The following NRXN1 variants were observed in gnomAD, a reference collection of about 807,000 sequenced individuals.
NRXN1 encodes the protein neurexin-1.
In NRXN1, 39 loss-of-function variants were observed where a neutral mutation model predicts 150.9. That is an observed-to-expected ratio of 0.26 (90% CI 0.20 to 0.34). The LOEUF is 0.34. Among genes scored for constraint, NRXN1 ranks in the 10% least tolerant of loss-of-function variants. NRXN1 has a pLI of 1.00. For synonymous variants in NRXN1, 924 were observed against 757.0 expected (o/e 1.22, Z -3.62); for missense variants, 1,815 against 1,949.9 (o/e 0.93, Z 1.30).
intron 2 of NRXN1, among the ~76,000 whole-genome samples, chr2:50,935,958 C>T (rs982629254): frequency 6.6e-6 from 1 of 152,082 alleles, no homozygotes; most frequent in African/African-American, 2.4e-5. Flanking sequence ...GATTAAATAT[C>T]TTTAATGATT....
chr2:50,610,261 T>A (rs1168874685), intron 8 of NRXN1, among the ~76,000 whole-genome samples: 1 of 152,050 alleles, frequency 6.6e-6, no homozygotes, highest in East Asian at 1.9e-4. Context: ...TATATGAAGG[T>A]GTTTTTCTTT....
chr2:50,977,042 C>G (rs1230204978), intron 2 of NRXN1, among the ~76,000 whole-genome samples: 1 of 151,914 alleles, frequency 6.6e-6, no homozygotes, highest in Non-Finnish European at 1.5e-5. Context: ...ATTAACCAAA[C>G]AGCATAACAG....
chr2:50,219,042 G>C (rs1178722313), intron 18 of NRXN1, among the ~76,000 whole-genome samples: 1 of 151,840 alleles, frequency 6.6e-6, no homozygotes, highest in Non-Finnish European at 1.5e-5. Flanking sequence ...AGTGGCTATG[G>C]GTTTTATTCC....
intron 17 of NRXN1, among the ~76,000 whole-genome samples, chr2:50,286,308 C>T (rs536978075): frequency 1.1e-4 from 17 of 152,062 alleles, no homozygotes; most frequent in Non-Finnish European, 2.4e-4. Flanking sequence ...ACTCCTACCC[C>T]CTAGTAATCA....
At chr2:51,002,825 G>A (rs1700240983) in intron 2 of NRXN1, among the ~76,000 whole-genome samples, 1 of 151,876 alleles carries the variant, frequency 6.6e-6, no homozygotes, top group Non-Finnish European at 1.5e-5. Context: ...TTTTCAAACT[G>A]TTTTCTTTCT....
chr2:50,468,513 T>C (rs1280775987), intron 16 of NRXN1, among the ~76,000 whole-genome samples: 1 of 151,628 alleles, frequency 6.6e-6, no homozygotes, highest in African/African-American at 2.4e-5. Context: ...AGTTATGTAA[T>C]ATTATCTTTA....
chr2:50,349,735 C>G (rs2078278757), intron 17 of NRXN1, among the ~76,000 whole-genome samples: 1 of 152,206 alleles, frequency 6.6e-6, no homozygotes, highest in Non-Finnish European at 1.5e-5. Flanking sequence ...CAACTGCTCC[C>G]TGACATGAAG....
chr2:50,132,383 G>A (rs1705651530), intron 18 of NRXN1, among the ~76,000 whole-genome samples: 1 of 148,760 alleles, frequency 6.7e-6, no homozygotes, highest in Admixed American at 6.8e-5. Flanking sequence ...TTGGCTCACT[G>A]CAACCTCCGC....
Position 49,919,903 on chromosome 2 carries a change from T to TAA in NRXN1, c.*2039_*2040dup, listed in dbSNP as rs1394636780. The TAA allele has an allele frequency of 1.3e-5, 2 of 152,110 alleles. No homozygotes were observed. The highest frequency in any genetic ancestry group is 2.1e-4 in the South Asian group (1 of 4,830). 9.4% of individuals were successfully genotyped at this position (152,110 alleles called of 1,614,324 possible). Reference sequence around the variant, plus strand: ...ACTTCTTGGCTTTTTTTTCATCAACTAAAGTATCACAAAAGATGTTTTGCA... The same window carrying TAA: ...ACTTCTTGGCTTTTTTTTCATCAACTAAAAAGTATCACAAAAGATGTTTTGCA... On this transcript the variant is annotated 3_prime_UTR_variant, in exon 23 of 23. Coordinates refer to ENST00000401669, the MANE Select transcript of NRXN1 (RefSeq NM_001330078.2).
chr2:50,154,882 T>C (rs969372946), intron 18 of NRXN1, among the ~76,000 whole-genome samples: 16 of 151,610 alleles, frequency 1.1e-4, no homozygotes, highest in African/African-American at 2.9e-4. Flanking sequence ...AAAAAAAGCA[T>C]TTAAATGTAA....
chr2:50,636,321 C>A (rs1683233429), intron 5 of NRXN1, among the ~76,000 whole-genome samples: 1 of 152,164 alleles, frequency 6.6e-6, no homozygotes, highest in African/African-American at 2.4e-5. Context: ...CTGGTTTCTT[C>A]TTGGACACTT....
At chr2:50,471,796 T>A (rs2089492801) in intron 16 of NRXN1, among the ~76,000 whole-genome samples, 1 of 151,714 alleles carries the variant, frequency 6.6e-6, no homozygotes, top group Non-Finnish European at 1.5e-5. Context: ...GCTTAATACT[T>A]GAGTGGCAAA....
At chr2:50,181,777 T>C (rs538649805) in intron 18 of NRXN1, among the ~76,000 whole-genome samples, 84 of 152,234 alleles carry the variant, frequency 5.5e-4, no homozygotes, top group Middle Eastern at 6.8e-3. Context: ...TACTTCCCTA[T>C]TGTCTTCAGT....
At chr2:50,898,226 C>T (rs951860519) in intron 5 of NRXN1, among the ~76,000 whole-genome samples, 44 of 152,170 alleles carry the variant, frequency 2.9e-4, no homozygotes, top group Admixed American at 2.7e-3. Context: ...CAAACTTTTT[C>T]CTCAAAAATT....
chr2:50,748,855 A>G (rs1700274539), intron 5 of NRXN1, among the ~76,000 whole-genome samples: 1 of 152,144 alleles, frequency 6.6e-6, no homozygotes, highest in African/African-American at 2.4e-5. Context: ...ACTGCTTCAG[A>G]TAACAACTAC....
chr2:50,876,505 G>A (rs760283601), intron 5 of NRXN1, among the ~76,000 whole-genome samples: 1 of 151,788 alleles, frequency 6.6e-6, no homozygotes, highest in African/African-American at 2.4e-5. Context: ...GTCAAGCCCA[G>A]GGCCTGATGT....
chr2:51,017,191 C>T (rs530332749), intron 2 of NRXN1, among the ~76,000 whole-genome samples: 4 of 152,040 alleles, frequency 2.6e-5, no homozygotes, highest in Non-Finnish European at 5.9e-5. Flanking sequence ...CACCATGGCA[C>T]GTGTATACCT....
chr2:50,807,187 A>G (rs866071826), intron 5 of NRXN1, among the ~76,000 whole-genome samples: 1 of 152,230 alleles, frequency 6.6e-6, no homozygotes, highest in Middle Eastern at 3.4e-3. Flanking sequence ...CTCCTATTAT[A>G]AGAAAGAAGA....
At chr2:50,359,452 C>T (rs1048986763) in intron 17 of NRXN1, among the ~76,000 whole-genome samples, 3 of 151,402 alleles carry the variant, frequency 2.0e-5, no homozygotes, top group Admixed American at 1.3e-4. Context: ...ACGAGAACTT[C>T]GTGAAGCACA....
Sources: allele counts gnomAD v4.1 joint callset (sites outside exome capture counted in the v4.1 genomes callset), GRCh38; gene constraint gnomAD v4.1.1; transcripts MANE v1.5; gene names NCBI Gene and HGNC (gene_info 2026-07-23, HGNC 2026-07-21).